SRSF3: variants seen among roughly 807,000 people sequenced by gnomAD.
SRSF3 encodes the protein serine/arginine-rich splicing factor 3.
For missense variants in SRSF3, 58 were observed against 217.1 expected, an observed-to-expected ratio of 0.27 and a Z score of 4.61; for synonymous variants, 87 against 73.6, an observed-to-expected ratio of 1.18 and a Z score of -0.93.
rs762845749 is a variant in SRSF3, at chr6:36,596,999, G to A, written c.206+31G>A. 10 of 1,600,674 alleles carry A rather than the reference G, an allele frequency of 6.2e-6. No individual in the cohort carries two copies. In the East Asian group the frequency reaches 2.0e-4, roughly 32 times the overall value. ...TTAATGATTACGCTGATAAAAATGT[G>A]TTGCTTGTGTTTTTCATATTTAAAA... is the stretch of plus-strand genomic sequence containing the variant. On this transcript the variant is annotated intron_variant, in intron 2 of 5. Transcript: ENST00000373715.
In SRSF3 at chr6:36,597,921, C is replaced by T. The variant is rs372757114; in HGVS notation, c.207-928C>T. On this transcript the variant is annotated intron_variant, in intron 2 of 5. Coordinates refer to ENST00000373715, the MANE Select transcript of SRSF3 (RefSeq NM_003017.5). ...TGTTGCCCAGGCTGGCCTCAAGCTC[C>T]TGGGCTCAAGCCATCCTCCTGCCTC... Among the ~76,000 whole-genome samples, 3 of 151,880 alleles carry T rather than the reference C, an allele frequency of 2.0e-5. No individual in the cohort carries two copies. In the East Asian group the frequency reaches 5.8e-4, roughly 29 times the overall value.
chr6:36,599,631 G>T, intron 3 of SRSF3: 1 of 394,102 alleles, frequency 2.5e-6, no homozygotes, highest in South Asian at 2.0e-5. Flanking sequence ...TCTTACAGGT[G>T]AGTGGAGTCC....
chr6:36,601,921 A>G, intron 5 of SRSF3, 41 bp from the exon 6 acceptor site: 2 of 1,576,990 alleles, frequency 1.3e-6, no homozygotes, highest in African/African-American at 2.8e-5. Context: ...ACCAAGTTAC[A>G]GATGTAATGT....
chr6:36,603,406 A>G lies in SRSF3; in HGVS notation c.*1417A>G, dbSNP rs758030053. On this transcript the variant is annotated 3_prime_UTR_variant, in exon 6 of 6. Transcript: ENST00000373715. ...TGTTGTAATTTCAAATTTTTGTGCA[A>G]TTAGATTAAATCATAATGCAACAGT... 4.5e-6 allele frequency: 1 copy of G among 223,542 alleles called. No homozygotes were observed. Among genetic ancestry groups the G allele is most frequent in the African/African-American group, 2.2e-5 (1 of 44,834 alleles). The allele number at this position is 223,542 out of a possible 1,614,324, so 13.8% of individuals were successfully genotyped here. A position where few individuals can be genotyped will look rare whatever the true frequency, so the allele number is the denominator to read the frequency against.
chr6:36,601,949 T>C lies in SRSF3; in HGVS notation c.468-13T>C, dbSNP rs1156421172. The stretch of plus-strand genomic sequence containing the variant: ...TGTAATGTTTTGTTTTCTTTTTTTT[T>C]TTTTTTTTTTAGTCGATCTAGGTCA... On this transcript the variant is annotated splice_polypyrimidine_tract_variant and intron_variant, in intron 5 of 5. Transcript: ENST00000373715. 6.4e-7 allele frequency: 1 copy of C among 1,572,770 alleles called. No homozygotes were observed. The highest frequency in any genetic ancestry group is 2.2e-5 in the East Asian group (1 of 44,628).
At chr6:36,599,794 T>G (rs1422978260) in intron 3 of SRSF3, 22 of 1,344,220 alleles carry the variant, frequency 1.6e-5, no homozygotes, top group Non-Finnish European at 2.2e-5. Context: ...TTGGTCCATC[T>G]ATTAATAAAA....
chr6:36,598,798 C>G, intron 2 of SRSF3, 51 bp from the exon 3 acceptor site: 1 of 1,597,268 alleles, frequency 6.3e-7, no homozygotes, highest in Non-Finnish European at 8.5e-7. Context: ...GGCTTTAATA[C>G]GCATGTCAGA....
chr6:36,600,381 T>C (rs1778692340), intron 3 of SRSF3: 2 of 672,976 alleles, frequency 3.0e-6, no homozygotes, highest in Non-Finnish European at 3.7e-6. Context: ...CATAATTGAA[T>C]GGTAACGTAC....
chr6:36,598,691 TTTATA>T (rs1211643914), intron 2 of SRSF3, among the ~76,000 whole-genome samples, 153 bp from the exon 3 acceptor site: 1 of 152,186 alleles, frequency 6.6e-6, no homozygotes, highest in Non-Finnish European at 1.5e-5. Context: ...CAAAGCTCAT[TTTATA>T]TTAGTAAAAA....
At position 36,605,500 on chromosome 6, in the gene SRSF3, A is replaced by AG. The variant is rs1473523761; in HGVS notation, c.*3511_*3512insG. The AG allele has an allele frequency of 1.1e-4, 16 of 152,228 alleles. No individual in the cohort carries two copies. Among genetic ancestry groups the AG allele is most frequent in the African/African-American group, 3.9e-4 (16 of 41,534 alleles). 9.4% of individuals were successfully genotyped at this position (152,228 alleles called of 1,614,324 possible). On this transcript the variant is annotated 3_prime_UTR_variant, in exon 6 of 6. Coordinates refer to ENST00000373715, the MANE Select transcript of SRSF3 (RefSeq NM_003017.5). ...AAAACTTCGTCTCCAAAAAAAAAAA[A>AG]AAAGTTTGTTTTGGTAAGCCTAGTA... is the stretch of plus-strand genomic sequence containing the variant.
At chr6:36,598,148 G>C (rs1295105992) in intron 2 of SRSF3, among the ~76,000 whole-genome samples, 1 of 152,150 alleles carries the variant, frequency 6.6e-6, no homozygotes, top group African/African-American at 2.4e-5. Context: ...AATAAGTGCA[G>C]GGACTTCAAG....
At chr6:36,595,093 T>G (rs1253039799) in intron 1 of SRSF3, among the ~76,000 whole-genome samples, 2 of 152,200 alleles carry the variant, frequency 1.3e-5, no homozygotes, top group African/African-American at 4.8e-5. Context: ...CAGGGTGTGG[T>G]CACGGCAAAT....
Position 36,596,827 on chromosome 6 carries a change from A to G in SRSF3, c.65A>G (p.Asn22Ser). 1 of 1,614,096 alleles carries G rather than the reference A, an allele frequency of 6.2e-7. No individual in the cohort carries two copies. Among genetic ancestry groups the G allele is most frequent in the South Asian group, 1.1e-5 (1 of 91,074 alleles). The change falls in exon 2 of 6, where the codon AAC becomes AGC. Residue 22 changes from asparagine to serine, a missense_variant. By Grantham distance (46) the Asn-to-Ser change is conservative (BLOSUM62 1). Coordinates refer to ENST00000373715, the MANE Select transcript of SRSF3 (RefSeq NM_003017.5). The stretch of plus-strand genomic sequence containing the variant: ...GTAGGCAATCTTGGAAACAATGGCA[A>G]CAAGACGGAATTGGAACGGGCTTTT... ...VYVGNLGNNG[N>S]KTELERAFGY...
rs529610917 is a variant in SRSF3, at chr6:36,601,610, T to C, written c.381-98T>C. Reference sequence around the variant, plus strand: ...CCTCCTGCCTCTGCCTCCCAAAATATTGGAATTATTGGCATGAGTCACCAT... The same window carrying C: ...CCTCCTGCCTCTGCCTCCCAAAATACTGGAATTATTGGCATGAGTCACCAT... On this transcript the variant is annotated intron_variant, in intron 4 of 5. Transcript: ENST00000373715. The C allele has an allele frequency of 8.2e-5, 97 of 1,180,114 alleles. No individual in the cohort carries two copies. The African/African-American group carries it at 1.3e-3, about 16-fold the overall frequency. The allele number at this position is 1,180,114 out of a possible 1,614,324, so 73.1% of individuals were successfully genotyped here.
At chr6:36,598,061 C>G (rs1435130406) in intron 2 of SRSF3, among the ~76,000 whole-genome samples, 2 of 152,076 alleles carry the variant, frequency 1.3e-5, no homozygotes, top group Non-Finnish European at 2.9e-5. Flanking sequence ...CAAAATGGTT[C>G]TGTCTTGTCT....
At position 36,596,743 on chromosome 6, in the gene SRSF3, T is replaced by C. The variant is rs764666379; in HGVS notation, c.-2-18T>C. On this transcript the variant is annotated intron_variant, in intron 1 of 5. Coordinates refer to ENST00000373715, the MANE Select transcript of SRSF3 (RefSeq NM_003017.5). ...AGATGTTTAGATGAATGAATATTTT[T>C]GGTATTTTTCATTACAGAAATGCAT... 2.5e-6 allele frequency: 4 copies of C among 1,602,436 alleles called. No individual in the cohort carries two copies. In the Admixed American group the frequency reaches 5.0e-5, roughly 20 times the overall value.
At chr6:36,598,191 T>A (rs1778663299) in intron 2 of SRSF3, among the ~76,000 whole-genome samples, 1 of 152,182 alleles carries the variant, frequency 6.6e-6, no homozygotes, top group Non-Finnish European at 1.5e-5. Flanking sequence ...CAGGAGAACT[T>A]GTTTTTCAAG....
chr6:36,602,301 T>G lies in SRSF3; in HGVS notation c.*312T>G. ...AACCTCTAAACCTGCCCAGCGGAAG[T>G]GTGTTTTTTTTTAAATTTAAATACA... is the stretch of plus-strand genomic sequence containing the variant. On this transcript the variant is annotated 3_prime_UTR_variant, in exon 6 of 6. Transcript: ENST00000373715. 1 of 346,158 alleles carries G rather than the reference T, an allele frequency of 2.9e-6. No individual in the cohort carries two copies. The highest frequency in any genetic ancestry group is 5.1e-6 in the Non-Finnish European group (1 of 197,954). The allele number at this position is 346,158 out of a possible 1,614,324, so 21.4% of individuals were successfully genotyped here.
chr6:36,601,887 A>G (rs1778721822), intron 5 of SRSF3, 75 bp from the exon 6 acceptor site: 2 of 1,580,756 alleles, frequency 1.3e-6, no homozygotes, highest in Admixed American at 1.8e-5. Context: ...TTAAAGTTCT[A>G]TTTCGATATG....
Sources: gnomAD v4.1 joint callset for allele counts (sites outside exome capture counted in the v4.1 genomes callset) on GRCh38, gnomAD v4.1.1 for gene constraint, MANE v1.5 for transcripts, NCBI Gene and HGNC (gene_info 2026-07-23, HGNC 2026-07-21) for gene names.